The following CPD variants were observed in gnomAD, a reference collection of about 807,000 sequenced individuals.
CPD encodes carboxypeptidase D.
A neutral mutation model predicts 138.3 loss-of-function variants in CPD; 69 were observed. That is an observed-to-expected ratio of 0.50 (90% confidence interval 0.41 to 0.61). The LOEUF is 0.61. Ranked by LOEUF, CPD falls within the 20% of genes least tolerant of loss-of-function variation. CPD has a pLI of 0.00. For synonymous variants in CPD, 651 were observed against 642.1 expected, an observed-to-expected ratio of 1.01 and a Z score of -0.21; for missense variants, 1,432 against 1,733.3, an observed-to-expected ratio of 0.83 and a Z score of 3.09.
At chr17:30,421,087 A>G in intron 3 of CPD, 104 bp downstream of exon 3, 2 of 773,844 alleles carry the variant, frequency 2.6e-6, no homozygotes, top group Middle Eastern at 2.7e-4. Context: ...GATGTCATTT[A>G]TCTCTTTTTA....
chr17:30,398,279 A>T (rs1911562993), intron 2 of CPD, among the ~76,000 whole-genome samples: 1 of 152,136 alleles, frequency 6.6e-6, no homozygotes, highest in African/African-American at 2.4e-5. Context: ...GAATAATAGA[A>T]ACTCGCTTAT....
chr17:30,393,528 A>G (rs944675418), intron 2 of CPD, among the ~76,000 whole-genome samples: 1 of 152,238 alleles, frequency 6.6e-6, no homozygotes, highest in African/African-American at 2.4e-5. Context: ...GAAACAGACA[A>G]ATCCATAAAT....
chr17:30,410,631 T>G (rs1911938229), intron 2 of CPD, among the ~76,000 whole-genome samples: 1 of 152,234 alleles, frequency 6.6e-6, no homozygotes, highest in South Asian at 2.1e-4. Flanking sequence ...TTGTCTCTTT[T>G]GATCTTTGTT....
Position 30,445,986 on chromosome 17 carries a change from G to C in CPD, c.2839G>C (p.Val947Leu). Residue 947 changes from valine to leucine, a missense_variant, in exon 12 of 21, where the codon GTA (valine) becomes CTA (leucine). Physicochemically the swap from Val to Leu is conservative, Grantham distance 32. This residue lies in a region of CPD where 124 missense variants were observed against 117.0 expected (regional missense o/e 1.06). Coordinates refer to ENST00000225719, the MANE Select transcript of CPD (RefSeq NM_001304.5). ...CTTATCAGAGTTTCTGAGAGGACTT[G>C]TAATGAACTATCCACATATTACAAA... is the stretch of plus-strand genomic sequence containing the variant. ...KDLSEFLRGL[V>L]MNYPHITNLT... is the part of the protein sequence containing the mutation. 6.3e-7 allele frequency: 1 copy of C among 1,581,076 alleles called. No individual in the cohort carries two copies. The highest frequency in any genetic ancestry group is 8.6e-7 in the Non-Finnish European group (1 of 1,158,946).
rs183835923 is a variant in CPD, at chr17:30,409,764, G to T, written c.995-11077G>T. ...CTCTCTTTTCTTCTTTATTAGTCTTGCTAGCAGTCTATCAATTCTGTTGAT... is the reference window on the plus strand; with the variant it reads ...CTCTCTTTTCTTCTTTATTAGTCTTTCTAGCAGTCTATCAATTCTGTTGAT... On this transcript the variant is annotated intron_variant, in intron 2 of 20. Coordinates refer to ENST00000225719, the MANE Select transcript of CPD (RefSeq NM_001304.5). Among the ~76,000 whole-genome samples the T allele has an allele frequency of 7.0e-3, 1,065 of 151,760 alleles. 9 individuals carry two copies. The highest frequency in any genetic ancestry group is 0.017 in the Middle Eastern group (5 of 294).
Position 30,434,104 on chromosome 17 carries a change from A to G in CPD, c.2127+2223A>G, listed in dbSNP as rs189387177. On this transcript the variant is annotated intron_variant, in intron 8 of 20. Coordinates refer to ENST00000225719, the MANE Select transcript of CPD (RefSeq NM_001304.5). ...AAAGTTTCTTTATTTTTACTCTTCAAAACTTCTCAAAAGTAGATAGTCTTG... is the reference window on the plus strand; with the variant it reads ...AAAGTTTCTTTATTTTTACTCTTCAGAACTTCTCAAAAGTAGATAGTCTTG... Among the ~76,000 whole-genome samples the G allele has an allele frequency of 2.4e-4, 37 of 152,264 alleles. 1 individual carries two copies. The East Asian group carries it at 6.2e-3, about 25-fold the overall frequency.
intron 1 of CPD, among the ~76,000 whole-genome samples, chr17:30,381,317 A>G (rs1041263390): frequency 6.6e-6 from 1 of 152,134 alleles, no homozygotes; most frequent in African/African-American, 2.4e-5. Context: ...CTGTCCTTGC[A>G]CCTTTAAAAT....
Position 30,379,700 on chromosome 17 carries a change from C to G in CPD, c.720C>G (p.Ala240=). The G allele has an allele frequency of 6.6e-7, 1 of 1,507,194 alleles. No homozygotes were observed. The highest frequency in any genetic ancestry group is 8.7e-7 in the Non-Finnish European group (1 of 1,146,620). The allele number at this position is 1,507,194 out of a possible 1,614,324, so 93.4% of individuals were successfully genotyped here. A position where few individuals can be genotyped will look rare whatever the true frequency, so the allele number is the denominator to read the frequency against. ...TGGACGAGGTGCCCGAGGTGCGCGC[C>G]CTCATCGAGTGGATCCGCAGGAACA... The part of the protein sequence containing the change: ...PALDEVPEVR[A]LIEWIRRNKF... The change falls in exon 1 of 21, where the codon GCC becomes GCG. Residue 240 remains alanine, a synonymous_variant. Coordinates refer to ENST00000225719, the MANE Select transcript of CPD (RefSeq NM_001304.5). The surrounding 1 kb of genome is among the most constrained non-coding windows in gnomAD (Gnocchi z 7.0).
chr17:30,385,260 A>G (rs1471542443), intron 2 of CPD, 24 bp downstream of exon 2: 2 of 1,611,106 alleles, frequency 1.2e-6, no homozygotes, highest in Non-Finnish European at 1.7e-6. Flanking sequence ...TGAGTTTGCT[A>G]CATTTTCCCC....
chr17:30,407,205 C>T (rs1400603509), intron 2 of CPD, among the ~76,000 whole-genome samples: 1 of 152,156 alleles, frequency 6.6e-6, no homozygotes, highest in Admixed American at 6.6e-5. Context: ...TTTCTTAATC[C>T]AGTCTGTCAT....
intron 2 of CPD, among the ~76,000 whole-genome samples, chr17:30,415,745 A>G (rs113599589): frequency 6.6e-6 from 1 of 152,190 alleles, no homozygotes; most frequent in Non-Finnish European, 1.5e-5. Context: ...TTAAATGTCA[A>G]TTGACAGATG....
chr17:30,464,589 T>A lies in CPD; in HGVS notation c.3918T>A (p.Gly1306=). The change falls in exon 21 of 21, where the codon GGT becomes GGA. Residue 1306 remains glycine, a splice_region_variant and synonymous_variant. Transcript: ENST00000225719. ...CACATGATGGTTTTTGTTTGTCAGG[T>A]GCTACTATGTCGGCATTGATCCTAA... ...LPRELVVTVS[G]ATMSALILTA... 2 of 1,613,310 alleles carry A rather than the reference T, an allele frequency of 1.2e-6. No individual in the cohort carries two copies. The highest frequency in any genetic ancestry group is 1.7e-6 in the Non-Finnish European group (2 of 1,179,610).
intron 17 of CPD, among the ~76,000 whole-genome samples, chr17:30,458,195 A>T (rs1383219161): frequency 6.6e-6 from 1 of 152,110 alleles, no homozygotes; most frequent in Non-Finnish European, 1.5e-5. Flanking sequence ...ACTCTGTCTC[A>T]AAAAAACGAA....
intron 2 of CPD, among the ~76,000 whole-genome samples, chr17:30,416,175 A>T (rs182354527): frequency 3.4e-4 from 52 of 152,278 alleles, no homozygotes; most frequent in Middle Eastern, 6.8e-3. Context: ...ACTAAAAAAA[A>T]TACAAAATTA....
At chr17:30,393,497 A>C (rs1911412051) in intron 2 of CPD, among the ~76,000 whole-genome samples, 1 of 152,246 alleles carries the variant, frequency 6.6e-6, no homozygotes, top group African/African-American at 2.4e-5. Flanking sequence ...GTAACTATAA[A>C]AATACAATAT....
chr17:30,463,234 C>T (rs1913541060), intron 20 of CPD, among the ~76,000 whole-genome samples: 1 of 152,200 alleles, frequency 6.6e-6, no homozygotes. Flanking sequence ...CCTAGCTACC[C>T]CTGTCACTAT....
chr17:30,399,949 C>T (rs146407621), intron 2 of CPD, among the ~76,000 whole-genome samples: 77 of 152,230 alleles, frequency 5.1e-4, no homozygotes, highest in Non-Finnish European at 7.5e-4. Context: ...CGAGATTGTA[C>T]CACTGCACTC....
At chr17:30,418,550 T>G (rs1407991754) in intron 2 of CPD, among the ~76,000 whole-genome samples, 1 of 152,176 alleles carries the variant, frequency 6.6e-6, no homozygotes, top group African/African-American at 2.4e-5. Context: ...CTATTTCATT[T>G]TTTAAATTGT....
intron 2 of CPD, among the ~76,000 whole-genome samples, chr17:30,410,525 A>G (rs1360641625): frequency 6.6e-6 from 1 of 152,208 alleles, no homozygotes; most frequent in African/African-American, 2.4e-5. Context: ...GACTTGCTTT[A>G]TGAATCTGGG....
Sources: allele counts gnomAD v4.1 joint callset (sites outside exome capture counted in the v4.1 genomes callset), GRCh38; gene constraint gnomAD v4.1.1; regional missense constraint gnomAD v4.1.1; non-coding constraint Gnocchi (gnomAD v3.1); transcripts MANE v1.5; gene names NCBI Gene and HGNC (gene_info 2026-07-23, HGNC 2026-07-21).